The following ST8SIA4 variants were observed in gnomAD, a reference collection of about 807,000 sequenced individuals.
ST8SIA4 encodes the protein ST8 alpha-N-acetyl-neuraminide alpha-2,8-sialyltransferase 4, also known as CMP-N-acetylneuraminate-poly-alpha-2,8-sialyltransferase.
Under a neutral mutation model 33.9 loss-of-function variants are expected in ST8SIA4, and 15 were observed. The observed-to-expected ratio is 0.44, with a 90% CI of 0.30 to 0.68. The LOEUF (loss-of-function observed/expected upper bound fraction) is 0.68. Among genes scored for constraint, ST8SIA4 ranks in the 30% least tolerant of loss-of-function variants. ST8SIA4 has a pLI of 0.10. For missense variants in ST8SIA4, 321 were observed against 428.0 expected, an observed-to-expected ratio of 0.75 and a Z score of 2.21; for synonymous variants, 171 against 151.2, an observed-to-expected ratio of 1.13 and a Z score of -0.96.
chr5:100,823,898 A>G (rs1294687287), intron 4 of ST8SIA4, among the ~76,000 whole-genome samples: 1 of 152,240 alleles, frequency 6.6e-6, no homozygotes, highest in Non-Finnish European at 1.5e-5. Flanking sequence ...GAGAGTCACA[A>G]ACTTTTTTAC....
chr5:100,887,431 G>C (rs1166289129), intron 2 of ST8SIA4, among the ~76,000 whole-genome samples: 1 of 151,954 alleles, frequency 6.6e-6, no homozygotes, highest in Non-Finnish European at 1.5e-5. Context: ...GTATATGAGT[G>C]GATCATGTGA....
At chr5:100,816,477 T>C (rs1274276152) in intron 4 of ST8SIA4, 1 of 518,824 alleles carries the variant, frequency 1.9e-6, no homozygotes, top group East Asian at 5.6e-5. Flanking sequence ...TCTAAAAGTT[T>C]AGAAGTATTA....
intron 4 of ST8SIA4, among the ~76,000 whole-genome samples, chr5:100,816,049 G>A (rs1750909523): frequency 6.6e-6 from 1 of 152,198 alleles, no homozygotes; most frequent in African/African-American, 2.4e-5. Flanking sequence ...CAATGGACAT[G>A]TTTCCTTAAT....
intron 3 of ST8SIA4, among the ~76,000 whole-genome samples, chr5:100,866,580 A>T (rs1580470922): frequency 1.4e-5 from 1 of 71,032 alleles, no homozygotes; most frequent in East Asian, 3.3e-4. Context: ...TCTAAATTTC[A>T]CACACACACA....
intron 4 of ST8SIA4, among the ~76,000 whole-genome samples, chr5:100,837,911 T>A (rs771420075): frequency 6.6e-6 from 1 of 152,186 alleles, no homozygotes; most frequent in African/African-American, 2.4e-5. Flanking sequence ...AATGTCTTAA[T>A]GTCATTATTT....
At chr5:100,863,906 A>G (rs1449530063) in intron 3 of ST8SIA4, among the ~76,000 whole-genome samples, 1 of 152,230 alleles carries the variant, frequency 6.6e-6, no homozygotes, top group Admixed American at 6.5e-5. Context: ...TCACTTCAGC[A>G]TATCAACAGA....
chr5:100,871,068 T>C (rs1752188547), intron 3 of ST8SIA4, among the ~76,000 whole-genome samples: 1 of 152,118 alleles, frequency 6.6e-6, no homozygotes, highest in Non-Finnish European at 1.5e-5. Context: ...AGCTGTTTGC[T>C]ATTTGCTGTT....
At chr5:100,901,830 T>C (rs554851051) in intron 1 of ST8SIA4, among the ~76,000 whole-genome samples, 32 of 152,234 alleles carry the variant, frequency 2.1e-4, no homozygotes, top group Middle Eastern at 3.4e-3. Context: ...AGCATGTGTG[T>C]GTGTTAGCAG....
intron 4 of ST8SIA4, among the ~76,000 whole-genome samples, chr5:100,825,103 C>A (rs1291207932): frequency 6.6e-6 from 1 of 151,840 alleles, no homozygotes; most frequent in Non-Finnish European, 1.5e-5. Context: ...TTGTTAGAAC[C>A]AATGATTATT....
In ST8SIA4 at chr5:100,811,631, G is replaced by C. The variant is rs1750818596; in HGVS notation, c.*216C>G. 1 of 512,654 alleles carries C rather than the reference G, an allele frequency of 2.0e-6. No individual in the cohort carries two copies. The highest frequency in any genetic ancestry group is 3.5e-6 in the Non-Finnish European group (1 of 286,682). 31.8% of individuals were successfully genotyped at this position (512,654 alleles called of 1,614,324 possible). A position where few individuals can be genotyped will look rare whatever the true frequency, so the allele number is the denominator to read the frequency against. On this transcript the variant is annotated 3_prime_UTR_variant, in exon 5 of 5. Transcript: ENST00000231461. The stretch of plus-strand genomic sequence containing the variant: ...CATTCAAACTGTATTCTTAGTGGAA[G>C]TGGCACTTACTAGGACCCTTAAAGT...
chr5:100,889,314 T>C (rs557635475), intron 2 of ST8SIA4, among the ~76,000 whole-genome samples: 15 of 152,066 alleles, frequency 9.9e-5, no homozygotes, highest in Middle Eastern at 3.4e-3. Context: ...AAATAGAGAC[T>C]ACACGGATGT....
intron 1 of ST8SIA4, among the ~76,000 whole-genome samples, chr5:100,898,416 T>A (rs1462026240): frequency 6.6e-6 from 1 of 152,232 alleles, no homozygotes; most frequent in African/African-American, 2.4e-5. Flanking sequence ...CCAAGCCTTT[T>A]CAGAATATCC....
At chr5:100,873,245 A>G (rs1460305450) in intron 3 of ST8SIA4, among the ~76,000 whole-genome samples, 1 of 152,168 alleles carries the variant, frequency 6.6e-6, no homozygotes, top group African/African-American at 2.4e-5. Flanking sequence ...GCTGCAGGGC[A>G]GGGAATGAAG....
At chr5:100,812,576 C>T (rs528214585) in intron 4 of ST8SIA4, among the ~76,000 whole-genome samples, 1 of 151,968 alleles carries the variant, frequency 6.6e-6, no homozygotes, top group Non-Finnish European at 1.5e-5. Context: ...AATTAAAAAT[C>T]CAAAGAAATA....
rs374794730 is a variant in ST8SIA4, at chr5:100,886,391, A to G, written c.455T>C (p.Leu152Ser). 6.2e-7 allele frequency: 1 copy of G among 1,613,794 alleles called. No individual in the cohort carries two copies. The highest frequency in any genetic ancestry group is 8.5e-7 in the Non-Finnish European group (1 of 1,179,818). The change falls in exon 3 of 5, where the codon TTA (leucine) becomes TCA (serine). Residue 152 changes from leucine to serine, a missense_variant. Coordinates refer to ENST00000231461, the MANE Select transcript of ST8SIA4 (RefSeq NM_005668.6). ...CAVVGNSGILLDSECGKEIDS... is the reference protein window; with the variant it reads ...CAVVGNSGILSDSECGKEIDS... ...AATCTCCTTTCCACATTCACTGTCT[A>G]ACAGAATGCCAGAATTTCCAACAAC...
At chr5:100,816,431 G>T (rs1750918616) in intron 4 of ST8SIA4, 1 of 503,110 alleles carries the variant, frequency 2.0e-6, no homozygotes, top group African/African-American at 2.0e-5. Flanking sequence ...TGACAAACAA[G>T]GAATATTGGT....
At chr5:100,814,106 C>T (rs923121393) in intron 4 of ST8SIA4, among the ~76,000 whole-genome samples, 9 of 151,996 alleles carry the variant, frequency 5.9e-5, no homozygotes, top group Admixed American at 5.9e-4. Flanking sequence ...GCAATTTCTA[C>T]ATGCAATACA....
chr5:100,891,685 T>C (rs1459644134), intron 2 of ST8SIA4, among the ~76,000 whole-genome samples: 1 of 151,984 alleles, frequency 6.6e-6, no homozygotes, highest in Non-Finnish European at 1.5e-5. Context: ...CTTTTGTTAT[T>C]TTAGAGCAAA....
rs191800752 is a variant in ST8SIA4, at chr5:100,871,098, T to C, written c.504-14702A>G. ...GCTGTTTGAGTTAAGGGAATACATATCCTCTGTGAGAGTAGAAGGATAAAG... is the reference window on the plus strand; with the variant it reads ...GCTGTTTGAGTTAAGGGAATACATACCCTCTGTGAGAGTAGAAGGATAAAG... On this transcript the variant is annotated intron_variant, in intron 3 of 4. Coordinates refer to ENST00000231461, the MANE Select transcript of ST8SIA4 (RefSeq NM_005668.6). Among the ~76,000 whole-genome samples the C allele has an allele frequency of 2.0e-5, 3 of 152,208 alleles. No individual in the cohort carries two copies. The East Asian group carries it at 5.8e-4, about 29-fold the overall frequency.
Sources: allele counts gnomAD v4.1 joint callset (sites outside exome capture counted in the v4.1 genomes callset), GRCh38; gene constraint gnomAD v4.1.1; transcripts MANE v1.5; gene names NCBI Gene and HGNC (gene_info 2026-07-23, HGNC 2026-07-21).